FAM161B: variants seen among roughly 807,000 people sequenced by gnomAD.
FAM161B encodes FAM161 centrosomal protein B, also known as protein FAM161B.
In FAM161B, 46 loss-of-function variants were observed where a neutral mutation model predicts 61.5. The ratio of observed to expected loss-of-function variants is 0.75; its 90% confidence interval spans 0.59 to 0.96. FAM161B has a LOEUF of 0.96. FAM161B is among the 40% of genes least tolerant of loss of function. The pLI is 0.00. For missense variants in FAM161B, 774 were observed against 800.7 expected (o/e 0.97, Z 0.40); for synonymous variants, 284 against 302.7 (o/e 0.94, Z 0.64).
the FAM161B span, among the ~76,000 whole-genome samples, chr14:73,924,208 C>T: frequency 6.6e-6 from 1 of 152,168 alleles, no homozygotes; most frequent in African/African-American, 2.4e-5. Context: ...GCATTAGATT[C>T]TGATAAGGAG....
intron 1 of FAM161B, 126 bp downstream of exon 1, chr14:73,949,847 C>G: frequency 2.2e-6 from 3 of 1,363,690 alleles, no homozygotes; most frequent in Non-Finnish European, 3.0e-6. Flanking sequence ...GCCTCCTGGT[C>G]CCTAAACGCT....
intron 5 of FAM161B, among the ~76,000 whole-genome samples, chr14:73,939,574 A>T (rs901070801): frequency 2.0e-5 from 3 of 152,182 alleles, no homozygotes; most frequent in Non-Finnish European, 2.9e-5. Flanking sequence ...AGGACCTCTG[A>T]CTCCGAAGCC....
intron 6 of FAM161B, 90 bp from the exon 7 acceptor site, chr14:73,937,791 C>A: frequency 6.5e-7 from 1 of 1,542,998 alleles, no homozygotes; most frequent in Non-Finnish European, 8.9e-7. Context: ...CTCTCGTGTA[C>A]ACTGTAAATT....
the FAM161B span, among the ~76,000 whole-genome samples, chr14:73,926,429 G>GTTTTGT: frequency 9.8e-4 from 148 of 150,560 alleles, no homozygotes; most frequent in Non-Finnish European, 1.9e-3. Context: ...TTTTTGTTTT[G>GTTTTGT]TTTTGTTTTT....
intron 1 of FAM161B, among the ~76,000 whole-genome samples, chr14:73,948,595 T>C (rs993435355): frequency 6.6e-6 from 1 of 152,220 alleles, no homozygotes; most frequent in African/African-American, 2.4e-5. Context: ...GACAACTTTA[T>C]TAAGACATAA....
At chr14:73,943,872 T>C (rs1286662087) in intron 3 of FAM161B, among the ~76,000 whole-genome samples, 1 of 149,746 alleles carries the variant, frequency 6.7e-6, no homozygotes, top group Non-Finnish European at 1.5e-5. Context: ...GAATAAAGCC[T>C]GAGCCCCTTA....
chr14:73,943,569 C>T (rs2056037683), intron 3 of FAM161B, among the ~76,000 whole-genome samples: 1 of 152,156 alleles, frequency 6.6e-6, no homozygotes, highest in South Asian at 2.1e-4. Context: ...TTTCTCTCCC[C>T]TCCATGCCAC....
intron 4 of FAM161B, among the ~76,000 whole-genome samples, chr14:73,941,435 A>T (rs1181087140): frequency 1.3e-5 from 2 of 151,794 alleles, no homozygotes; most frequent in Non-Finnish European, 2.9e-5. Context: ...TTCTATCTTT[A>T]CTAGGATTCA....
chr14:73,949,818 G>A (rs913237267), intron 1 of FAM161B, 155 bp downstream of exon 1: 4 of 1,078,382 alleles, frequency 3.7e-6, no homozygotes, highest in Non-Finnish European at 5.3e-6. Flanking sequence ...GAGAGGTTCA[G>A]GTCTGTAAGT....
chr14:73,932,714 T>G lies in FAM161B; in HGVS notation c.*1542A>C, dbSNP rs1229399770. 1 of 326,206 alleles carries G rather than the reference T, an allele frequency of 3.1e-6. No homozygotes were observed. The highest frequency in any genetic ancestry group is 8.5e-5 in the East Asian group (1 of 11,816). 20.2% of individuals were successfully genotyped at this position (326,206 alleles called of 1,614,324 possible). On this transcript the variant is annotated 3_prime_UTR_variant, in exon 9 of 9. Transcript: ENST00000286544. ...ATCATAGCTCAATGTAACCTTGAACTCCTACGCTCAAGGCATCCTCCCACC... is the reference window on the plus strand; with the variant it reads ...ATCATAGCTCAATGTAACCTTGAACGCCTACGCTCAAGGCATCCTCCCACC...
chr14:73,937,599 T>C lies in FAM161B; in HGVS notation c.1665+3A>G. 1 of 1,611,186 alleles carries C rather than the reference T, an allele frequency of 6.2e-7. No homozygotes were observed. The highest frequency in any genetic ancestry group is 8.5e-7 in the Non-Finnish European group (1 of 1,179,238). ...AAGAAAACAAATGATGGTTTAGTTT[T>C]ACCTTGGCAACTTGTTCAAAGAGAT... On this transcript the variant is annotated splice_donor_region_variant and intron_variant, in intron 7 of 8. Coordinates refer to ENST00000286544, the MANE Select transcript of FAM161B (RefSeq NM_152445.3).
rs151325166 is a variant in FAM161B at position 73,936,054 on chromosome 14, A to G, written c.1700T>C (p.Leu567Pro). ...CAGCCCAGCCTGCTTCAGGGTGTCT[A>G]GATACCACTGTTCTGCTTCTTTCTT... ...LAKKEAEQWY[L>P]DTLKQAGLEE... Residue 567 changes from leucine to proline, a missense_variant, in exon 8 of 9, where the codon CTA (leucine) becomes CCA (proline). Transcript: ENST00000286544. 2,958 of 1,613,472 alleles carry G rather than the reference A, an allele frequency of 1.8e-3. 11 individuals carry two copies. Among genetic ancestry groups the G allele is most frequent in the Admixed American group, 2.5e-3 (152 of 59,978 alleles).
At chr14:73,940,802 C>G in intron 5 of FAM161B, 124 bp downstream of exon 5, 9 of 1,379,406 alleles carry the variant, frequency 6.5e-6, no homozygotes, top group Non-Finnish European at 8.7e-6. Flanking sequence ...CAGTCCTGAT[C>G]AGAAAATTCC....
downstream of FAM161B, among the ~76,000 whole-genome samples, chr14:73,931,112 C>T (rs1034132869): frequency 6.6e-6 from 1 of 152,122 alleles, no homozygotes; most frequent in Non-Finnish European, 1.5e-5. Context: ...AGCTCCTCTT[C>T]CTATTTCCTT....
Position 73,937,791 on chromosome 14 carries a change from C to T in FAM161B, c.1566-90G>A, listed in dbSNP as rs1390979927. 5.8e-6 allele frequency: 9 copies of T among 1,542,876 alleles called. No individual in the cohort carries two copies. The African/African-American group carries it at 1.1e-4, about 19-fold the overall frequency. On this transcript the variant is annotated intron_variant, in intron 6 of 8. Transcript: ENST00000286544. ...AGTAAAGCAGTGTAACTCTCGTGTACACTGTAAATTCCTATCTGACTTGGA... is the reference window on the plus strand; with the variant it reads ...AGTAAAGCAGTGTAACTCTCGTGTATACTGTAAATTCCTATCTGACTTGGA...
chr14:73,945,076 C>A (rs2056054971), intron 2 of FAM161B, among the ~76,000 whole-genome samples, 191 bp from the exon 3 acceptor site: 1 of 152,206 alleles, frequency 6.6e-6, no homozygotes, highest in Non-Finnish European at 1.5e-5. Context: ...AAAGTCTCTT[C>A]TCAGAATTGA....
intron 8 of FAM161B, 79 bp from the exon 9 acceptor site, chr14:73,934,473 G>A: frequency 1.4e-6 from 2 of 1,396,322 alleles, no homozygotes; most frequent in Non-Finnish European, 1.9e-6. Context: ...AGGCTGGAGT[G>A]CAGTGGCATG....
rs1156824520 is a variant in FAM161B, at chr14:73,932,632, CATT to C, written c.*1621_*1623del. On this transcript the variant is annotated 3_prime_UTR_variant, in exon 9 of 9. Coordinates refer to ENST00000286544, the MANE Select transcript of FAM161B (RefSeq NM_152445.3). ...TACTGAGAAAATATCCACTCATCAT[CATT>C]ATGATTTGAGATGGGGTCTTGCTCT... 33 of 374,792 alleles carry C rather than the reference CATT, an allele frequency of 8.8e-5. No homozygotes were observed. The highest frequency in any genetic ancestry group is 4.3e-4 in the Middle Eastern group (1 of 2,328). The allele number at this position is 374,792 out of a possible 1,614,324, so 23.2% of individuals were successfully genotyped here.
chr14:73,933,961 A>G lies in FAM161B; in HGVS notation c.*295T>C. The G allele has an allele frequency of 4.1e-6, 1 of 242,686 alleles. No individual in the cohort carries two copies. Among genetic ancestry groups the G allele is most frequent in the Non-Finnish European group, 8.0e-6 (1 of 125,246 alleles). The allele number at this position is 242,686 out of a possible 1,614,324, so 15.0% of individuals were successfully genotyped here. A position where few individuals can be genotyped will look rare whatever the true frequency, so the allele number is the denominator to read the frequency against. On this transcript the variant is annotated 3_prime_UTR_variant, in exon 9 of 9. Coordinates refer to ENST00000286544, the MANE Select transcript of FAM161B (RefSeq NM_152445.3). ...CTCAGCTTCCCAAGTAGCTAGGATT[A>G]CAGGCACGTGTCATCACGCCCAGCT...
Sources: allele counts gnomAD v4.1 joint callset (sites outside exome capture counted in the v4.1 genomes callset), GRCh38; gene constraint gnomAD v4.1.1; transcripts MANE v1.5; gene names NCBI Gene and HGNC (gene_info 2026-07-23, HGNC 2026-07-21).